GABRB1: variants seen among roughly 807,000 people sequenced by gnomAD.
GABRB1 encodes the protein gamma-aminobutyric acid receptor subunit beta-1.
GABRB1 carries 17 observed loss-of-function variants against 51.6 expected under a neutral mutation model. The ratio of observed to expected loss-of-function variants is 0.33; its 90% CI spans 0.23 to 0.49. The LOEUF is 0.49. Among genes scored for constraint, GABRB1 ranks in the 20% least tolerant of loss-of-function variants. The pLI is 0.99. For synonymous variants in GABRB1, 247 were observed against 218.9 expected (o/e 1.13, Z -1.14); for missense variants, 410 against 600.6 (o/e 0.68, Z 3.32).
chr4:47,018,339 A>G (rs891240719), intron 1 of GABRB1, among the ~76,000 whole-genome samples: 2 of 152,070 alleles, frequency 1.3e-5, no homozygotes, highest in African/African-American at 2.4e-5. Flanking sequence ...GACAGGAGCC[A>G]CCATGCCTGG....
intron 4 of GABRB1, among the ~76,000 whole-genome samples, chr4:47,218,067 T>C (rs1720624064): frequency 6.6e-6 from 1 of 151,904 alleles, no homozygotes; most frequent in Admixed American, 6.6e-5. Flanking sequence ...AGCTCTCACA[T>C]ATGAGTGAGA....
chr4:47,057,387 T>A (rs1303545370), intron 3 of GABRB1, among the ~76,000 whole-genome samples: 1 of 152,230 alleles, frequency 6.6e-6, no homozygotes, highest in African/African-American at 2.4e-5. Flanking sequence ...TAAAAAGAAT[T>A]TCCCTAGGGA....
chr4:47,354,322 G>C (rs193127264), intron 5 of GABRB1, among the ~76,000 whole-genome samples: 245 of 152,268 alleles, frequency 1.6e-3, no homozygotes, highest in African/African-American at 5.8e-3. Context: ...ATAACTGTAT[G>C]AACATTGTTC....
intron 1 of GABRB1, among the ~76,000 whole-genome samples, chr4:47,002,233 G>A (rs999333721): frequency 2.6e-5 from 4 of 152,174 alleles, no homozygotes; most frequent in Admixed American, 2.6e-4. Flanking sequence ...ATAGGCCTAA[G>A]CCTTTGCGAA....
chr4:47,058,135 G>C (rs1455543887), intron 3 of GABRB1, among the ~76,000 whole-genome samples: 1 of 152,168 alleles, frequency 6.6e-6, no homozygotes, highest in Non-Finnish European at 1.5e-5. Flanking sequence ...TAGCCTGTGA[G>C]GTTAAAGAAG....
chr4:47,016,155 G>GA (rs1177564046), intron 1 of GABRB1, among the ~76,000 whole-genome samples: 1 of 152,102 alleles, frequency 6.6e-6, no homozygotes, highest in Non-Finnish European at 1.5e-5. Flanking sequence ...GTTCAATGAA[G>GA]AAAAAACAAT....
chr4:47,216,634 T>C (rs1478769501), intron 4 of GABRB1, among the ~76,000 whole-genome samples: 1 of 151,914 alleles, frequency 6.6e-6, no homozygotes, highest in Non-Finnish European at 1.5e-5. Flanking sequence ...AATAATCCAA[T>C]GGCAAATAGT....
At chr4:47,223,553 G>A (rs1343993192) in intron 4 of GABRB1, among the ~76,000 whole-genome samples, 1 of 152,012 alleles carries the variant, frequency 6.6e-6, no homozygotes. Context: ...TTACAAGATT[G>A]TTGTACTTTT....
intron 4 of GABRB1, among the ~76,000 whole-genome samples, chr4:47,236,506 T>C (rs1721339494): frequency 6.6e-6 from 1 of 152,166 alleles, no homozygotes; most frequent in East Asian, 1.9e-4. Flanking sequence ...ATAATACTGG[T>C]GAAGAAAGTA....
At chr4:47,274,174 T>A (rs1722985180) in intron 4 of GABRB1, among the ~76,000 whole-genome samples, 1 of 152,148 alleles carries the variant, frequency 6.6e-6, no homozygotes, top group African/African-American at 2.4e-5. Context: ...TCTTGCTACA[T>A]ACACTTAACC....
chr4:47,224,476 TA>T (rs1720879399), intron 4 of GABRB1, among the ~76,000 whole-genome samples: 1 of 152,040 alleles, frequency 6.6e-6, no homozygotes, highest in Non-Finnish European at 1.5e-5. Context: ...TTAATGAATG[TA>T]AAATATTTAA....
rs6852194 is a variant in GABRB1 at position 47,233,118 on chromosome 4, C to T, written c.461+71649C>T. ...CTTAAACTCCTGAGCTCAGGCAGTC[C>T]GCCTGCCTTGGCCTTCCAAAGTGCT... On this transcript the variant is annotated intron_variant, in intron 4 of 8. Transcript: ENST00000295454. Among the ~76,000 whole-genome samples the T allele has an allele frequency of 8.0e-3, 1,219 of 152,202 alleles. 14 individuals carry two copies. Among genetic ancestry groups the T allele is most frequent in the African/African-American group, 0.028 (1,145 of 41,512 alleles).
chr4:47,007,894 AAAATCAAGTTTG>A (rs1724458180), intron 1 of GABRB1, among the ~76,000 whole-genome samples: 4 of 33,476 alleles, frequency 1.2e-4, no homozygotes, highest in East Asian at 1.1e-3. Flanking sequence ...ATATATATAT[AAAATCAAGTTTG>A]TATTTTTAAA....
At chr4:47,114,479 C>T (rs748289538) in intron 3 of GABRB1, among the ~76,000 whole-genome samples, 2 of 152,134 alleles carry the variant, frequency 1.3e-5, no homozygotes, top group Non-Finnish European at 2.9e-5. Flanking sequence ...TGGCCATCTG[C>T]CAAACTATGA....
intron 3 of GABRB1, among the ~76,000 whole-genome samples, chr4:47,131,667 A>G (rs2109673937): frequency 6.6e-6 from 1 of 152,178 alleles, no homozygotes; most frequent in Non-Finnish European, 1.5e-5. Context: ...CAATGATTTC[A>G]AATTGAATGA....
At chr4:47,315,440 A>C (rs1724849220) in intron 4 of GABRB1, among the ~76,000 whole-genome samples, 1 of 152,030 alleles carries the variant, frequency 6.6e-6, no homozygotes, top group Non-Finnish European at 1.5e-5. Context: ...TGGAAATGTA[A>C]ATTAGTTCAG....
intron 4 of GABRB1, among the ~76,000 whole-genome samples, chr4:47,258,088 A>T: frequency 6.6e-6 from 1 of 152,160 alleles, no homozygotes; most frequent in East Asian, 1.9e-4. Context: ...TGTATCTATT[A>T]ATTCTGTCAT....
intron 1 of GABRB1, among the ~76,000 whole-genome samples, chr4:47,024,202 T>A (rs1017512588): frequency 1.1e-4 from 17 of 152,016 alleles, no homozygotes; most frequent in South Asian, 2.1e-4. Context: ...CTTTTATACT[T>A]GTTTTAAAGT....
At chr4:47,005,619 C>T (rs1211028173) in intron 1 of GABRB1, among the ~76,000 whole-genome samples, 1 of 150,574 alleles carries the variant, frequency 6.6e-6, no homozygotes, top group East Asian at 2.0e-4. Context: ...TCGGCAGTCT[C>T]TCTTAACTTA....
Sources: gnomAD v4.1 joint callset for allele counts (sites outside exome capture counted in the v4.1 genomes callset) on GRCh38, gnomAD v4.1.1 for gene constraint, MANE v1.5 for transcripts, NCBI Gene and HGNC (gene_info 2026-07-23, HGNC 2026-07-21) for gene names.